Variants in FGF14 observed in about 807,000 individuals in gnomAD.
FGF14 encodes the protein fibroblast growth factor 14.
FGF14 carries 5 observed loss-of-function variants against 25.5 expected under a neutral mutation model. The observed-to-expected ratio is 0.20, with a 90% confidence interval of 0.10 to 0.41. The LOEUF (loss-of-function observed/expected upper bound fraction) is 0.41, where lower values mean the gene tolerates loss of function less well. Ranked by LOEUF, FGF14 falls within the 10% of genes least tolerant of loss-of-function variation. The pLI, the probability that FGF14 is intolerant of heterozygous loss-of-function variation, is 1.00. For missense variants in FGF14, 222 were observed against 320.1 expected (o/e 0.69, Z 2.34); for synonymous variants, 138 against 118.3 (o/e 1.17, Z -1.08).
intron 3 of FGF14, among the ~76,000 whole-genome samples, chr13:101,776,460 T>A (rs2039109750): frequency 6.6e-6 from 1 of 152,162 alleles, no homozygotes; most frequent in South Asian, 2.1e-4. Flanking sequence ...GACTCCATCC[T>A]CAGTTCTGGG....
chr13:102,142,394 A>T (rs746670557), intron 1 of FGF14, among the ~76,000 whole-genome samples: 83 of 144,736 alleles, frequency 5.7e-4, no homozygotes, highest in Non-Finnish European at 1.0e-3. Context: ...TTTACTCCTT[A>T]AAAAAAAAAA....
chr13:101,736,156 G>A (rs1177039291), intron 3 of FGF14, among the ~76,000 whole-genome samples: 1 of 152,052 alleles, frequency 6.6e-6, no homozygotes, highest in East Asian at 1.9e-4. Context: ...TACTTTCATT[G>A]TAACACAAAT....
chr13:101,738,956 GTATA>G (rs60594991), intron 3 of FGF14, among the ~76,000 whole-genome samples: 66,319 of 145,978 alleles, frequency 0.45, 17,878 homozygotes, highest in Non-Finnish European at 0.59. Context: ...GTGTGTGTGT[GTATA>G]TATATATATA....
intron 1 of FGF14, among the ~76,000 whole-genome samples, chr13:102,069,115 G>A (rs911274224): frequency 3.3e-5 from 5 of 151,534 alleles, no homozygotes; most frequent in African/African-American, 7.3e-5. Flanking sequence ...TACACCAATC[G>A]GCACTTTGTA....
intron 1 of FGF14, among the ~76,000 whole-genome samples, chr13:102,153,994 T>TTAAG (rs60960327): frequency 0.011 from 1,707 of 152,284 alleles, 16 homozygotes; most frequent in Middle Eastern, 0.02. Flanking sequence ...TTTAAAGAGG[T>TTAAG]TAAGAGTCAA....
Position 102,357,123 on chromosome 13 carries a change from G to GTTT in FGF14, c.208+44345_208+44347dup, listed in dbSNP as rs5806298. Among the ~76,000 whole-genome samples the GTTT allele has an allele frequency of 1.5e-3, 224 of 144,846 alleles. 1 individual carries two copies. The highest frequency in any genetic ancestry group is 5.4e-3 in the African/African-American group (216 of 39,694). On this transcript the variant is annotated intron_variant, in intron 1 of 4. Transcript: ENST00000376131. ...TAACACAGGCTACTTCCATTATAAT[G>GTTT]TTTTTTTTTTTTTAATGAAAGCATC...
In FGF14 at chr13:101,722,906, C is replaced by T; in HGVS notation, c.669G>A (p.Val223=). ...DVGETVPKPG[V]TPSKSTSASA... is the part of the protein sequence containing the mutation. ...ACGCACTTGTGCTTTTACTTGGCGTCACCCCAGGCTTCGGGACCGTTTCCC... is the reference window on the plus strand; with the variant it reads ...ACGCACTTGTGCTTTTACTTGGCGTTACCCCAGGCTTCGGGACCGTTTCCC... The change falls in exon 5 of 5, where the codon GTG becomes GTA. Residue 223 remains valine (V), a synonymous_variant. Transcript: ENST00000376143. 1 of 1,613,310 alleles carries T rather than the reference C, an allele frequency of 6.2e-7. No individual in the cohort carries two copies. The highest frequency in any genetic ancestry group is 8.5e-7 in the Non-Finnish European group (1 of 1,179,560).
chr13:101,981,647 A>AAAAAC (rs2038273198), intron 1 of FGF14, among the ~76,000 whole-genome samples: 1 of 91,748 alleles, frequency 1.1e-5, no homozygotes, highest in African/African-American at 3.8e-5. Context: ...CATAATTAAA[A>AAAAAC]AACAACAACA....
In FGF14 at chr13:101,720,825, A is replaced by G. The variant is rs2034924148; in HGVS notation, c.*2006T>C. Reference sequence around the variant, plus strand: ...ATTTTGTTTGTTAGATTTGTAATTTAGCATCATTGGCAATAAATCTACTCA... The same window carrying G: ...ATTTTGTTTGTTAGATTTGTAATTTGGCATCATTGGCAATAAATCTACTCA... On this transcript the variant is annotated 3_prime_UTR_variant, in exon 5 of 5. Transcript: ENST00000376143. The G allele has an allele frequency of 6.6e-6, 1 of 152,178 alleles. No homozygotes were observed. The highest frequency in any genetic ancestry group is 2.4e-5 in the African/African-American group (1 of 41,456). The allele number at this position is 152,178 out of a possible 1,614,324, so 9.4% of individuals were successfully genotyped here. A position where few individuals can be genotyped will look rare whatever the true frequency, so the allele number is the denominator to read the frequency against.
At chr13:102,176,543 C>A (rs983001024) in intron 1 of FGF14, among the ~76,000 whole-genome samples, 1 of 152,050 alleles carries the variant, frequency 6.6e-6, no homozygotes, top group Non-Finnish European at 1.5e-5. Context: ...ATGCAATAAA[C>A]CTACACATAT....
chr13:101,754,644 G>A (rs1300079151), intron 3 of FGF14, among the ~76,000 whole-genome samples: 2 of 151,970 alleles, frequency 1.3e-5, no homozygotes, highest in African/African-American at 4.8e-5. Context: ...CGGGAGAATT[G>A]CTTGAACCTG....
intron 1 of FGF14, among the ~76,000 whole-genome samples, chr13:102,179,414 T>C (rs991703609): frequency 6.6e-6 from 1 of 152,098 alleles, no homozygotes; most frequent in Non-Finnish European, 1.5e-5. Context: ...CTTAATGGTT[T>C]GGGGACCACA....
intron 1 of FGF14, among the ~76,000 whole-genome samples, chr13:102,376,873 G>A (rs2058052403): frequency 6.6e-6 from 1 of 152,142 alleles, no homozygotes; most frequent in South Asian, 2.1e-4. Flanking sequence ...TCCCAAGAAA[G>A]GGAGAAGTTT....
At chr13:101,988,554 T>C (rs1396569227) in intron 1 of FGF14, among the ~76,000 whole-genome samples, 1 of 151,946 alleles carries the variant, frequency 6.6e-6, no homozygotes, top group African/African-American at 2.4e-5. Flanking sequence ...ATGTTCTTTG[T>C]AGGGACATGG....
At chr13:102,276,351 G>GTATATATATATATATATA (rs1291212131) in intron 1 of FGF14, among the ~76,000 whole-genome samples, 10 of 41,646 alleles carry the variant, frequency 2.4e-4, no homozygotes, top group African/African-American at 6.6e-4. Context: ...GTGTGTGTGT[G>GTATATATATATATATATA]TGTATATATA....
At chr13:102,388,832 G>T (rs2058367090) in intron 1 of FGF14, among the ~76,000 whole-genome samples, 1 of 151,954 alleles carries the variant, frequency 6.6e-6, no homozygotes, top group Non-Finnish European at 1.5e-5. Context: ...TCTCTTTTTG[G>T]AAAAGTTCTC....
At chr13:101,768,046 C>G (rs993077104) in intron 3 of FGF14, among the ~76,000 whole-genome samples, 8 of 151,964 alleles carry the variant, frequency 5.3e-5, no homozygotes, top group Non-Finnish European at 1.0e-4. Context: ...CTAAAACGAA[C>G]ATAAAAGCAA....
intron 1 of FGF14, among the ~76,000 whole-genome samples, chr13:102,026,474 A>G (rs563796205): frequency 1.3e-5 from 2 of 152,006 alleles, no homozygotes; most frequent in South Asian, 4.1e-4. Context: ...GTTTCTTCCT[A>G]TTCTAGTTCT....
At chr13:101,956,630 T>C (rs1267110237) in intron 1 of FGF14, among the ~76,000 whole-genome samples, 4 of 152,100 alleles carry the variant, frequency 2.6e-5, no homozygotes, top group Non-Finnish European at 5.9e-5. Flanking sequence ...GAGGTAAAAA[T>C]ATAATATCCA....
Sources: gnomAD v4.1 joint callset for allele counts (sites outside exome capture counted in the v4.1 genomes callset) on GRCh38, gnomAD v4.1.1 for gene constraint, MANE v1.5 for transcripts, NCBI Gene and HGNC (gene_info 2026-07-23, HGNC 2026-07-21) for gene names.